Variants in ERICH2 observed in about 807,000 individuals in gnomAD.
ERICH2 encodes glutamate rich 2, also known as glutamate-rich protein 2.
ERICH2 carries 17 observed loss-of-function variants against 17.4 expected under a neutral mutation model. That is an observed-to-expected ratio of 0.98 (90% CI 0.67 to 1.47). ERICH2 has a LOEUF of 1.47. Among genes scored for constraint, ERICH2 ranks in the 40% most tolerant of loss-of-function variants. The probability of loss-of-function intolerance (pLI) is 0.00; values close to 1 mark genes in which losing one functional copy is unlikely to be tolerated. For synonymous variants in ERICH2, 51 were observed against 61.1 expected (o/e 0.83, Z 0.77); for missense variants, 186 against 183.2 (o/e 1.01, Z -0.09).
In ERICH2 at chr2:170,784,779, TG is replaced by T. The variant is rs1559252395; in HGVS notation, c.163del (p.Glu55LysfsTer13). 3 of 1,542,666 alleles carry T rather than the reference TG, an allele frequency of 1.9e-6. No homozygotes were observed. In the African/African-American group the frequency reaches 4.1e-5, roughly 21 times the overall value. ...ATGATACCAATGATGAAGATGATGA[TG>T]AAGATAGTAACCCTAAAAAGAATAC... On this transcript the variant is annotated frameshift_variant, in exon 2 of 5. Transcript: ENST00000409885. LOFTEE classifies it high-confidence loss of function.
At chr2:170,770,825 G>A in the ERICH2 span, 1 of 149,478 alleles carries the variant, frequency 6.7e-6, no homozygotes, top group Non-Finnish European at 1.5e-5. Context: ...CCCTCAGCTC[G>A]GCCGCCCGCC....
At chr2:170,793,772 T>C (rs188923457) in intron 3 of ERICH2, among the ~76,000 whole-genome samples, 18 of 152,296 alleles carry the variant, frequency 1.2e-4, no homozygotes, top group African/African-American at 3.8e-4. Context: ...TCTACCTTAT[T>C]TTTCTTTTTA....
At chr2:170,790,150 C>G (rs553156115) in intron 2 of ERICH2, among the ~76,000 whole-genome samples, 1 of 152,332 alleles carries the variant, frequency 6.6e-6, no homozygotes, top group South Asian at 2.1e-4. Flanking sequence ...ATTAAAACCA[C>G]TTAAAACTAA....
upstream of ERICH2, among the ~76,000 whole-genome samples, chr2:170,781,631 TAA>T (rs59729388): frequency 1.7e-3 from 218 of 127,042 alleles, 1 homozygote; most frequent in Non-Finnish European, 1.5e-3. Flanking sequence ...AGACTTGGTC[TAA>T]AAAAAAAAAA....
chr2:170,792,495 C>T (rs1179556366), intron 2 of ERICH2, among the ~76,000 whole-genome samples: 2 of 151,890 alleles, frequency 1.3e-5, no homozygotes, highest in Non-Finnish European at 2.9e-5. Flanking sequence ...TTTCAACTGT[C>T]GTATAATTAT....
the ERICH2 span, among the ~76,000 whole-genome samples, chr2:170,772,198 G>A: frequency 6.6e-6 from 1 of 151,970 alleles, no homozygotes; most frequent in Non-Finnish European, 1.5e-5. Context: ...TTCTACCTAC[G>A]CTCACCGGTT....
the ERICH2 span, chr2:170,777,822 C>A: frequency 7.8e-6 from 3 of 383,136 alleles, no homozygotes; most frequent in South Asian, 4.6e-4. Flanking sequence ...TTGCTGCAGT[C>A]AAAGCAATTG....
At chr2:170,781,084 A>G (rs1701014258), upstream of ERICH2, among the ~76,000 whole-genome samples, 1 of 152,136 alleles carries the variant, frequency 6.6e-6, no homozygotes, top group Admixed American at 6.5e-5. Context: ...CTGGGGGAGT[A>G]AAGATTCCAT....
At chr2:170,778,549 T>C in the ERICH2 span, among the ~76,000 whole-genome samples, 1 of 152,018 alleles carries the variant, frequency 6.6e-6, no homozygotes. Flanking sequence ...ATATAATACA[T>C]GTTTTTATAT....
chr2:170,779,739 C>A, upstream of ERICH2: 1 of 638,752 alleles, frequency 1.6e-6, no homozygotes, highest in Non-Finnish European at 1.9e-6. Flanking sequence ...TGTTTTATCA[C>A]CTTTTCTAAA....
intron 1 of ERICH2, among the ~76,000 whole-genome samples, chr2:170,784,127 C>T (rs766535361): frequency 3.3e-5 from 5 of 152,104 alleles, no homozygotes; most frequent in Non-Finnish European, 5.9e-5. Context: ...AAGAAGGCAT[C>T]TCAGAGACTT....
At chr2:170,775,780 C>T in the ERICH2 span, 1 of 154,140 alleles carries the variant, frequency 6.5e-6, no homozygotes, top group South Asian at 2.0e-4. Flanking sequence ...TCAGGGTTCC[C>T]CAGAAAGCAA....
At chr2:170,779,205 T>G (rs1700973252), upstream of ERICH2, among the ~76,000 whole-genome samples, 1 of 151,804 alleles carries the variant, frequency 6.6e-6, no homozygotes, top group South Asian at 2.1e-4. Context: ...ATGGGAAGAG[T>G]GTGACTGACC....
intron 2 of ERICH2, among the ~76,000 whole-genome samples, chr2:170,786,294 G>A (rs564157574): frequency 3.6e-4 from 54 of 150,082 alleles, no homozygotes; most frequent in African/African-American, 1.2e-3. Flanking sequence ...TTTAGCTAGA[G>A]AATTCTAGAT....
At chr2:170,794,296 G>T (rs1338153014) in intron 3 of ERICH2, among the ~76,000 whole-genome samples, 1 of 151,150 alleles carries the variant, frequency 6.6e-6, no homozygotes, top group Non-Finnish European at 1.5e-5. Context: ...TAGTAGAGAT[G>T]GGGGTTTTAC....
At chr2:170,770,892 C>A in the ERICH2 span, 40 of 149,100 alleles carry the variant, frequency 2.7e-4, no homozygotes, top group Middle Eastern at 3.5e-3. Context: ...CCTCGCCGCG[C>A]CCGCTCCGTC....
the ERICH2 span, chr2:170,777,484 A>G: frequency 1.8e-6 from 2 of 1,129,122 alleles, no homozygotes; most frequent in Non-Finnish European, 1.1e-6. Context: ...CTAAATAGTA[A>G]GAAGACTATT....
At chr2:170,777,641 C>T in the ERICH2 span, 3 of 1,232,348 alleles carry the variant, frequency 2.4e-6, no homozygotes, top group East Asian at 3.2e-5. Context: ...TTTTCTCTTT[C>T]AGAAAAAGTG....
At chr2:170,798,180 TC>T in intron 4 of ERICH2, 68 bp downstream of exon 9, 1 of 1,045,826 alleles carries the variant, frequency 9.6e-7, no homozygotes, top group South Asian at 1.4e-5. Flanking sequence ...AAACCCATTA[TC>T]CCGGGAGATT....
Sources: gnomAD v4.1 joint callset for allele counts (sites outside exome capture counted in the v4.1 genomes callset) on GRCh38, gnomAD v4.1.1 for gene constraint, MANE v1.5 for transcripts, NCBI Gene and HGNC (gene_info 2026-07-23, HGNC 2026-07-21) for gene names.